Variants in ADGRL2 observed in about 807,000 individuals in gnomAD.
ADGRL2 encodes calcium-independent alpha-latrotoxin receptor 2.
Under a neutral mutation model 157.4 loss-of-function variants are expected in ADGRL2, and 44 were observed. The observed-to-expected ratio is 0.28, with a 90% CI of 0.22 to 0.36. The LOEUF (loss-of-function observed/expected upper bound fraction) is 0.36. Ranked by LOEUF, ADGRL2 falls within the 10% of genes least tolerant of loss-of-function variation. ADGRL2 has a pLI of 1.00. For missense variants in ADGRL2, 1,510 were observed against 1,768.9 expected (o/e 0.85, Z 2.63); for synonymous variants, 585 against 624.7 (o/e 0.94, Z 0.95).
chr1:81,471,564 A>G (rs570787000), intron 2 of ADGRL2, among the ~76,000 whole-genome samples: 2 of 152,332 alleles, frequency 1.3e-5, no homozygotes, highest in Non-Finnish European at 2.9e-5. Flanking sequence ...TGAGAATTTT[A>G]TGATAATATT....
chr1:81,426,461 A>G, intron 1 of ADGRL2: 1 of 391,032 alleles, frequency 2.6e-6, no homozygotes, highest in South Asian at 1.9e-5. Context: ...CTCAAAATGG[A>G]GGTAAAACTG....
intron 2 of ADGRL2, among the ~76,000 whole-genome samples, chr1:81,499,211 A>C (rs1027295082): frequency 1.3e-5 from 2 of 152,280 alleles, no homozygotes; most frequent in African/African-American, 4.8e-5. Context: ...TTACAATGTT[A>C]TACTCTTTGG....
At chr1:81,490,268 A>G (rs2078602948) in intron 2 of ADGRL2, among the ~76,000 whole-genome samples, 1 of 152,014 alleles carries the variant, frequency 6.6e-6, no homozygotes, top group Admixed American at 6.6e-5. Flanking sequence ...AGTAGCTGGA[A>G]TTACAGGTGT....
intron 3 of ADGRL2, among the ~76,000 whole-genome samples, chr1:81,639,760 T>C (rs1217449211): frequency 6.6e-6 from 1 of 152,058 alleles, no homozygotes; most frequent in East Asian, 1.9e-4. Context: ...TGTAAAAATA[T>C]ATGAGACAAA....
At chr1:81,697,119 A>G (rs1181751945), upstream of ADGRL2, among the ~76,000 whole-genome samples, 1 of 152,178 alleles carries the variant, frequency 6.6e-6, no homozygotes, top group Non-Finnish European at 1.5e-5. Flanking sequence ...AAATGGCAGA[A>G]TTATCTCTTT....
rs537554089 is a variant in ADGRL2, at chr1:81,507,886, T to C, written c.-248+62797T>C. On this transcript the variant is annotated intron_variant, in intron 2 of 24. Transcript: ENST00000370721. ...GAGCCAGCTACATTGTCTGTTGGGT[T>C]CTGTGCAAAATGAAAACATGAGATT... 1.2e-4 allele frequency among the ~76,000 whole-genome samples: 18 copies of C among 152,294 alleles called. No individual in the cohort carries two copies. In the East Asian group the frequency reaches 3.3e-3, roughly 28 times the overall value.
rs1428526745 is a variant in ADGRL2, at chr1:81,989,518, TA to T, written c.3656-870del. On this transcript the variant is annotated intron_variant, in intron 23 of 23. Coordinates refer to ENST00000686636, the MANE Select transcript of ADGRL2 (RefSeq NM_001366006.2). ...TATTAGTACCAAATACTCAAAATAA[TA>T]AATATTAAATGAAAAATAAAAGGCT... 2.2e-4 allele frequency: 134 copies of T among 618,526 alleles called. 1 individual carries two copies. Among genetic ancestry groups the T allele is most frequent in the Admixed American group, 1.8e-4 (6 of 33,994 alleles). 38.3% of individuals were successfully genotyped at this position (618,526 alleles called of 1,614,324 possible).
chr1:81,915,091 G>C (rs1329075418), intron 3 of ADGRL2, among the ~76,000 whole-genome samples: 1 of 152,010 alleles, frequency 6.6e-6, no homozygotes, highest in Non-Finnish European at 1.5e-5. Context: ...TGCCCTATAG[G>C]ATCCTTGGTT....
At chr1:81,383,400 C>T (rs1041071768) in intron 1 of ADGRL2, among the ~76,000 whole-genome samples, 1 of 151,704 alleles carries the variant, frequency 6.6e-6, no homozygotes, top group Non-Finnish European at 1.5e-5. Flanking sequence ...GAGGGAGGAA[C>T]GGAATGAGGA....
At chr1:81,806,299 G>C (rs1377240337) in intron 1 of ADGRL2, among the ~76,000 whole-genome samples, 1 of 152,016 alleles carries the variant, frequency 6.6e-6, no homozygotes, top group Non-Finnish European at 1.5e-5. Context: ...GATCTCACAT[G>C]CAGTAATACA....
At chr1:81,970,279 T>C (rs773601686) in intron 15 of ADGRL2, 35 bp from the exon 16 acceptor site, 3 of 1,444,074 alleles carry the variant, frequency 2.1e-6, no homozygotes, top group Middle Eastern at 1.7e-4. Flanking sequence ...TATTCATGAG[T>C]TTTCTTTTGT....
chr1:81,691,876 G>GTGTATATATATATATATATATGTA (rs2083342562), intron 3 of ADGRL2, among the ~76,000 whole-genome samples: 2 of 82,260 alleles, frequency 2.4e-5, no homozygotes, highest in African/African-American at 9.8e-5. Context: ...GGGTGTGTGT[G>GTGTATATATATATATATATATGTA]TGTGTATATA....
chr1:81,919,991 C>T (rs1400499879), intron 3 of ADGRL2, among the ~76,000 whole-genome samples: 1 of 152,074 alleles, frequency 6.6e-6, no homozygotes, highest in Non-Finnish European at 1.5e-5. Flanking sequence ...TTTAAATATT[C>T]ATCAAAGAGA....
At chr1:81,980,834 A>G (rs554368428) in intron 18 of ADGRL2, 13 of 716,606 alleles carry the variant, frequency 1.8e-5, no homozygotes, top group Non-Finnish European at 3.2e-5. Flanking sequence ...ATACGGACTT[A>G]CCTGGGTAAG....
intron 3 of ADGRL2, among the ~76,000 whole-genome samples, chr1:81,652,699 T>G (rs2082445954): frequency 1.3e-5 from 2 of 152,174 alleles, no homozygotes; most frequent in Non-Finnish European, 2.9e-5. Flanking sequence ...ATTCAGAAAC[T>G]ATATGAAACA....
chr1:81,644,167 C>T (rs930141521), intron 3 of ADGRL2, among the ~76,000 whole-genome samples: 3 of 152,110 alleles, frequency 2.0e-5, no homozygotes, highest in Non-Finnish European at 4.4e-5. Context: ...CTGACATCTA[C>T]ATGTAAAAAA....
At chr1:81,396,662 C>T (rs2101189609) in intron 1 of ADGRL2, among the ~76,000 whole-genome samples, 1 of 152,288 alleles carries the variant, frequency 6.6e-6, no homozygotes, top group Non-Finnish European at 1.5e-5. Flanking sequence ...TGTTGAGGTA[C>T]ATTCCTTCTA....
chr1:81,444,023 A>T (rs2101694436), intron 1 of ADGRL2, among the ~76,000 whole-genome samples: 1 of 152,334 alleles, frequency 6.6e-6, no homozygotes, highest in Non-Finnish European at 1.5e-5. Context: ...TCAGAGGACA[A>T]GAAAAGGTCC....
chr1:81,947,930 A>G (rs538294767), intron 6 of ADGRL2, among the ~76,000 whole-genome samples: 13 of 152,172 alleles, frequency 8.5e-5, no homozygotes, highest in Admixed American at 5.9e-4. Flanking sequence ...ATCAAAAGGT[A>G]AAAAGTGGCT....
Sources: allele counts gnomAD v4.1 joint callset (sites outside exome capture counted in the v4.1 genomes callset), GRCh38; gene constraint gnomAD v4.1.1; transcripts MANE v1.5; gene names NCBI Gene and HGNC (gene_info 2026-07-23, HGNC 2026-07-21).